Variants in NDRG3 observed in about 807,000 individuals in gnomAD.
NDRG3 encodes NDRG family member 3.
Under a neutral mutation model 57.2 loss-of-function variants are expected in NDRG3, and 23 were observed. That is an observed-to-expected ratio of 0.40 (90% CI 0.29 to 0.57). NDRG3 has a LOEUF of 0.57. NDRG3 is among the 20% of genes least tolerant of loss of function. The pLI is 0.42. For missense variants in NDRG3, 384 were observed against 457.3 expected, an observed-to-expected ratio of 0.84 and a Z score of 1.46; for synonymous variants, 132 against 162.6, an observed-to-expected ratio of 0.81 and a Z score of 1.43.
intron 9 of NDRG3, 45 bp from the exon 10 acceptor site, chr20:36,666,437 A>C (rs1979641133): frequency 3.6e-6 from 5 of 1,403,584 alleles, no homozygotes; most frequent in Non-Finnish European, 5.1e-6. Context: ...TGAGCTCCAG[A>C]ATAAGTCCAT....
chr20:36,687,683 G>A, intron 4 of NDRG3, 71 bp from the exon 5 acceptor site: 4 of 1,517,348 alleles, frequency 2.6e-6, no homozygotes, highest in Non-Finnish European at 3.6e-6. Context: ...CTCAGTCAAT[G>A]CCTATTATCA....
chr20:36,658,429 T>C (rs1181576196), intron 13 of NDRG3, among the ~76,000 whole-genome samples: 1 of 152,220 alleles, frequency 6.6e-6, no homozygotes, highest in African/African-American at 2.4e-5. Flanking sequence ...CCAAAATTTT[T>C]AGACCAGCCC....
rs117061722 is a variant in NDRG3 at position 36,724,127 on chromosome 20, A to G, written c.-48-2344T>C. Among the ~76,000 whole-genome samples the G allele has an allele frequency of 1.4e-3, 213 of 152,330 alleles. 5 individuals carry two copies. In the East Asian group the frequency reaches 0.039, roughly 28 times the overall value. On this transcript the variant is annotated intron_variant, in intron 1 of 15. Coordinates refer to ENST00000349004, the MANE Select transcript of NDRG3 (RefSeq NM_032013.4). ...GCTACCTTTTAGCTATTATTTGCCA[A>G]CACACTGAAATAAATCCTGCTCCCA... is the stretch of plus-strand genomic sequence containing the variant.
chr20:36,694,383 A>G lies in NDRG3; in HGVS notation c.94-5599T>C, dbSNP rs10439574. Among the ~76,000 whole-genome samples, 988 of 152,352 alleles carry G rather than the reference A, an allele frequency of 6.5e-3. 12 individuals are homozygous for G. The highest frequency in any genetic ancestry group is 0.022 in the African/African-American group (927 of 41,580). On this transcript the variant is annotated intron_variant, in intron 3 of 15. Transcript: ENST00000349004. ...CACAGAATAGTTCCTGACATAAAAG[A>G]AGTGAAAAACAGTCTTGAATAACTG...
At chr20:36,734,215 A>G (rs1330020755) in intron 1 of NDRG3, among the ~76,000 whole-genome samples, 2 of 152,234 alleles carry the variant, frequency 1.3e-5, no homozygotes, top group Admixed American at 1.3e-4. Flanking sequence ...TCAAAAAAAA[A>G]AAAAGAGGTG....
intron 1 of NDRG3, among the ~76,000 whole-genome samples, chr20:36,724,148 T>C (rs1195957859): frequency 6.6e-6 from 1 of 152,188 alleles, no homozygotes; most frequent in African/African-American, 2.4e-5. Context: ...TAAATCCTGC[T>C]CCCAGCTATG....
At chr20:36,725,563 C>T (rs1353901911) in intron 1 of NDRG3, among the ~76,000 whole-genome samples, 1 of 145,914 alleles carries the variant, frequency 6.9e-6, no homozygotes, top group African/African-American at 2.6e-5. Flanking sequence ...GATCGCACCA[C>T]TGCACTCCAG....
At chr20:36,677,415 C>T (rs946838019) in intron 8 of NDRG3, among the ~76,000 whole-genome samples, 12 of 152,202 alleles carry the variant, frequency 7.9e-5, no homozygotes, top group African/African-American at 2.4e-5. Flanking sequence ...TCCCGGCCTG[C>T]CCATGGCCGC....
chr20:36,665,094 A>G lies in NDRG3; in HGVS notation c.762T>C (p.Cys254=). 6.2e-7 allele frequency: 1 copy of G among 1,614,142 alleles called. No homozygotes were observed. Among genetic ancestry groups the G allele is most frequent in the South Asian group, 1.1e-5 (1 of 91,086 alleles). The change falls in exon 12 of 16, where the codon TGT becomes TGC. Residue 254 remains cysteine, a synonymous_variant. Coordinates refer to ENST00000349004, the MANE Select transcript of NDRG3 (RefSeq NM_032013.4). The part of the protein sequence containing the change: ...QNDNKSKTLK[C]STLLVVGDNS... ...TGTCCCCTACCACCAGTAAAGTAGA[A>G]CACCTAGGTAGGCAAAGTAAGAGGT... is the stretch of plus-strand genomic sequence containing the variant.
At chr20:36,654,726 G>T in intron 15 of NDRG3, 1 of 775,990 alleles carries the variant, frequency 1.3e-6, no homozygotes, top group African/African-American at 1.7e-5. Flanking sequence ...TAGGAAGACC[G>T]CGGACATGCT....
At chr20:36,668,990 T>G (rs556446697) in intron 9 of NDRG3, among the ~76,000 whole-genome samples, 1 of 151,996 alleles carries the variant, frequency 6.6e-6, no homozygotes, top group South Asian at 2.1e-4. Context: ...GCTCAAGTGA[T>G]CCTCCCATCA....
chr20:36,692,968 G>A (rs577719956), intron 3 of NDRG3, among the ~76,000 whole-genome samples: 5 of 146,522 alleles, frequency 3.4e-5, no homozygotes, highest in African/African-American at 1.3e-4. Flanking sequence ...CCAACTATTC[G>A]GGAAGCTGAG....
intron 9 of NDRG3, among the ~76,000 whole-genome samples, chr20:36,669,596 C>T (rs555389107): frequency 2.6e-4 from 40 of 152,028 alleles, no homozygotes; most frequent in African/African-American, 9.6e-4. Flanking sequence ...AACTCCCAAC[C>T]TTAGGTGATC....
chr20:36,674,935 C>T (rs1980531341), intron 8 of NDRG3, among the ~76,000 whole-genome samples: 1 of 137,546 alleles, frequency 7.3e-6, no homozygotes, highest in African/African-American at 2.8e-5. Flanking sequence ...GTCTCTGTCA[C>T]CTAGTCTGGA....
intron 1 of NDRG3, among the ~76,000 whole-genome samples, chr20:36,732,938 G>A (rs1409159883): frequency 6.6e-6 from 1 of 151,424 alleles, no homozygotes; most frequent in Non-Finnish European, 1.5e-5. Context: ...CTTGAGCCCA[G>A]GAGTTTGAGA....
chr20:36,724,314 T>A (rs987860126), intron 1 of NDRG3, among the ~76,000 whole-genome samples: 1 of 152,200 alleles, frequency 6.6e-6, no homozygotes, highest in East Asian at 1.9e-4. Flanking sequence ...AATTTGATGA[T>A]GTTTAACCTC....
intron 8 of NDRG3, among the ~76,000 whole-genome samples, chr20:36,678,236 T>C (rs942559197): frequency 1.3e-5 from 2 of 152,136 alleles, no homozygotes; most frequent in African/African-American, 4.8e-5. Context: ...GAGAAGCTAT[T>C]TGAGATACAT....
At chr20:36,725,702 C>T (rs1246939565) in intron 1 of NDRG3, among the ~76,000 whole-genome samples, 1 of 151,996 alleles carries the variant, frequency 6.6e-6, no homozygotes, top group Non-Finnish European at 1.5e-5. Flanking sequence ...ACCATTTTAG[C>T]CTATTTCCAC....
chr20:36,729,935 C>A lies in NDRG3; in HGVS notation c.-48-8152G>T, dbSNP rs187251416. 4.3e-3 allele frequency among the ~76,000 whole-genome samples: 655 copies of A among 152,010 alleles called. 2 individuals are homozygous for A. Among genetic ancestry groups the A allele is most frequent in the Admixed American group, 6.1e-3 (93 of 15,266 alleles). On this transcript the variant is annotated intron_variant, in intron 1 of 15. Coordinates refer to ENST00000349004, the MANE Select transcript of NDRG3 (RefSeq NM_032013.4). The stretch of plus-strand genomic sequence containing the variant: ...CAAAATTTCAGTAAACTAGATGGAA[C>A]TTTTATTTTTTATTTTTAAATGTTT...
Sources: allele counts gnomAD v4.1 joint callset (sites outside exome capture counted in the v4.1 genomes callset), GRCh38; gene constraint gnomAD v4.1.1; transcripts MANE v1.5; gene names NCBI Gene and HGNC (gene_info 2026-07-23, HGNC 2026-07-21).